The following TRHDE variants were observed in gnomAD, a reference collection of about 807,000 sequenced individuals.
The protein encoded by TRHDE is thyrotropin-releasing hormone-degrading ectoenzyme.
TRHDE carries 72 observed loss-of-function variants against 125.7 expected under a neutral mutation model. That is an observed-to-expected ratio of 0.57 (90% CI 0.47 to 0.70). The LOEUF (loss-of-function observed/expected upper bound fraction) is 0.70, where lower values mean the gene tolerates loss of function less well. TRHDE is among the 30% of genes least tolerant of loss of function. The pLI is 0.00. For synonymous variants in TRHDE, 509 were observed against 509.1 expected (o/e 1.00, Z 0.00); for missense variants, 1,110 against 1,327.1 (o/e 0.84, Z 2.54).
intron 2 of TRHDE, among the ~76,000 whole-genome samples, chr12:72,210,867 CATA>C (rs1269235073): frequency 6.6e-6 from 1 of 152,088 alleles, no homozygotes; most frequent in Non-Finnish European, 1.5e-5. Flanking sequence ...TTAAATCATT[CATA>C]ATACTTTCTG....
intron 5 of TRHDE, among the ~76,000 whole-genome samples, chr12:72,476,651 T>G (rs1876908943): frequency 6.6e-6 from 1 of 152,172 alleles, no homozygotes; most frequent in Non-Finnish European, 1.5e-5. Context: ...TCTTTTGCCA[T>G]TAATCTCAAA....
At position 72,103,292 on chromosome 12, in the gene TRHDE, A is replaced by G. The variant is rs547921819; in HGVS notation, n.175-2356A>G. Among the ~76,000 whole-genome samples, 6 of 152,356 alleles carry G rather than the reference A, an allele frequency of 3.9e-5. No individual in the cohort carries two copies. In the South Asian group the frequency reaches 1.2e-3, roughly 32 times the overall value. On this transcript the variant is annotated intron_variant and non_coding_transcript_variant, in intron 1 of 4. Coordinates refer to the TRHDE transcript ENST00000548156. ...TTAGATCCGATATTTAGGACATTGT[A>G]TCCTAAGGAAGTATCATATTAAAAT... is the stretch of plus-strand genomic sequence containing the variant.
intron 7 of TRHDE, among the ~76,000 whole-genome samples, chr12:72,546,305 C>A (rs1389296421): frequency 6.6e-6 from 1 of 151,596 alleles, no homozygotes; most frequent in East Asian, 1.9e-4. Flanking sequence ...CCCTGCCAAA[C>A]CTTCAGCTGA....
intron 18 of TRHDE, among the ~76,000 whole-genome samples, chr12:72,660,036 G>A (rs577206964): frequency 6.6e-6 from 1 of 152,146 alleles, no homozygotes; most frequent in Non-Finnish European, 1.5e-5. Flanking sequence ...ACAAGACAAG[G>A]GGGCAGGGTA....
intron 7 of TRHDE, among the ~76,000 whole-genome samples, chr12:72,547,627 G>C (rs935550794): frequency 6.6e-6 from 1 of 151,660 alleles, no homozygotes; most frequent in African/African-American, 2.4e-5. Context: ...AATCCTCTTG[G>C]GATAAGTTAA....
chr12:72,477,827 A>C (rs948341876), intron 5 of TRHDE, among the ~76,000 whole-genome samples: 1 of 152,194 alleles, frequency 6.6e-6, no homozygotes, highest in Non-Finnish European at 1.5e-5. Context: ...CTCTGTGCAT[A>C]GTGCATAGGT....
chr12:72,567,946 G>C (rs1258561774), intron 9 of TRHDE, among the ~76,000 whole-genome samples: 1 of 152,056 alleles, frequency 6.6e-6, no homozygotes, highest in East Asian at 1.9e-4. Flanking sequence ...CTGCACGTTG[G>C]TGGATGCTTT....
In TRHDE at chr12:72,621,545, T is replaced by C. The variant is rs1565813239; in HGVS notation, c.2568-99T>C. 3.1e-5 allele frequency: 29 copies of C among 924,960 alleles called. No individual in the cohort carries two copies. The South Asian group carries it at 4.4e-4, about 14-fold the overall frequency. 57.3% of individuals were successfully genotyped at this position (924,960 alleles called of 1,614,324 possible). ...CTCAGCAGCATAGGATTTCCAGATC[T>C]AAAAACCATTTTTATGTTAATAATT... On this transcript the variant is annotated intron_variant, in intron 14 of 18. Coordinates refer to ENST00000261180, the MANE Select transcript of TRHDE (RefSeq NM_013381.3).
intron 12 of TRHDE, among the ~76,000 whole-genome samples, chr12:72,591,862 T>C (rs1170248717): frequency 6.6e-6 from 1 of 152,018 alleles, no homozygotes; most frequent in Non-Finnish European, 1.5e-5. Context: ...AGCCATTAAT[T>C]TCCCATTATT....
chr12:72,089,315 G>A lies in TRHDE; in HGVS notation n.174+1876G>A, dbSNP rs11179077. Reference sequence around the variant, plus strand: ...GCCTGCCAGAGAGATCTTTAAAGACGTAGGTCAGATTGTATCACTCTTTTA... The same window carrying A: ...GCCTGCCAGAGAGATCTTTAAAGACATAGGTCAGATTGTATCACTCTTTTA... On this transcript the variant is annotated intron_variant and non_coding_transcript_variant, in intron 1 of 4. Coordinates refer to the TRHDE transcript ENST00000548156. Among the ~76,000 whole-genome samples the A allele has an allele frequency of 6.4e-3, 977 of 152,204 alleles. 7 individuals carry two copies. Among genetic ancestry groups the A allele is most frequent in the African/African-American group, 0.022 (928 of 41,544 alleles).
At chr12:72,548,270 T>A (rs528956411) in intron 7 of TRHDE, among the ~76,000 whole-genome samples, 1 of 151,784 alleles carries the variant, frequency 6.6e-6, no homozygotes, top group East Asian at 1.9e-4. Context: ...ATTTCACATA[T>A]CTCCCTGAAA....
chr12:72,404,409 C>T (rs1029755137), intron 3 of TRHDE, among the ~76,000 whole-genome samples: 2 of 152,062 alleles, frequency 1.3e-5, no homozygotes, highest in Non-Finnish European at 2.9e-5. Flanking sequence ...CCAGCTTGGG[C>T]AGCCTGGGGA....
chr12:72,562,773 T>C, intron 8 of TRHDE, 80 bp from the exon 9 acceptor site: 1 of 923,640 alleles, frequency 1.1e-6, no homozygotes, highest in Non-Finnish European at 1.6e-6. Context: ...ATAGTAAAAA[T>C]AGAAATAAAA....
intron 2 of TRHDE, among the ~76,000 whole-genome samples, chr12:72,218,799 T>A (rs1381797344): frequency 6.6e-6 from 1 of 152,172 alleles, no homozygotes; most frequent in Admixed American, 6.6e-5. Context: ...GACTTGTTAT[T>A]GGATTTAGGG....
chr12:72,362,745 G>A (rs1350311582), intron 2 of TRHDE, among the ~76,000 whole-genome samples: 1 of 152,016 alleles, frequency 6.6e-6, no homozygotes, highest in Non-Finnish European at 1.5e-5. Flanking sequence ...TTTGTATAAG[G>A]TGTAAGGAAG....
rs534431498 is a variant in TRHDE, at chr12:72,457,054, A to G, written c.1316-12704A>G. Among the ~76,000 whole-genome samples, 4 of 152,322 alleles carry G rather than the reference A, an allele frequency of 2.6e-5. No homozygotes were observed. The East Asian group carries it at 5.8e-4, about 22-fold the overall frequency. On this transcript the variant is annotated intron_variant, in intron 3 of 18. Transcript: ENST00000261180. ...CCTTCAGTAATGAAAGACATGGTTCATAATTTGATCAATGCCTCCCAGCTG... is the reference window on the plus strand; with the variant it reads ...CCTTCAGTAATGAAAGACATGGTTCGTAATTTGATCAATGCCTCCCAGCTG...
intron 7 of TRHDE, among the ~76,000 whole-genome samples, chr12:72,556,095 C>T (rs963407): frequency 0.4 from 60,519 of 152,020 alleles, 14,405 homozygotes; most frequent in African/African-American, 0.66. Flanking sequence ...ATGTCTTTCA[C>T]GCCATATCTA....
chr12:72,663,257 G>T lies in TRHDE; in HGVS notation c.*62G>T. 1.4e-6 allele frequency: 2 copies of T among 1,380,714 alleles called. No homozygotes were observed. The highest frequency in any genetic ancestry group is 9.7e-7 in the Non-Finnish European group (1 of 1,030,732). The allele number at this position is 1,380,714 out of a possible 1,614,324, so 85.5% of individuals were successfully genotyped here. ...GTTTATGAGAAGACACGCTTTTTGT[G>T]GAATGAGGAAAATGTACTACCTAGA... On this transcript the variant is annotated 3_prime_UTR_variant, in exon 19 of 19. Transcript: ENST00000261180.
intron 12 of TRHDE, among the ~76,000 whole-genome samples, chr12:72,578,508 C>T (rs1444305077): frequency 6.6e-6 from 1 of 152,136 alleles, no homozygotes; most frequent in Non-Finnish European, 1.5e-5. Flanking sequence ...ATCTGTCCTT[C>T]CCAGCAAAAG....
Sources: allele counts gnomAD v4.1 joint callset (sites outside exome capture counted in the v4.1 genomes callset), GRCh38; gene constraint gnomAD v4.1.1; transcripts MANE v1.5; gene names NCBI Gene and HGNC (gene_info 2026-07-23, HGNC 2026-07-21).